ATP8B4: variants seen among roughly 807,000 people sequenced by gnomAD.
ATP8B4 encodes probable phospholipid-transporting ATPase IM.
ATP8B4 carries 133 observed loss-of-function variants against 145.6 expected under a neutral mutation model. The ratio of observed to expected loss-of-function variants is 0.91; its 90% CI spans 0.79 to 1.05. The LOEUF (loss-of-function observed/expected upper bound fraction) is 1.05, where lower values mean the gene tolerates loss of function less well. ATP8B4 is among the 50% of genes least tolerant of loss of function. ATP8B4 has a pLI of 0.00. For synonymous variants in ATP8B4, 507 were observed against 492.9 expected, an observed-to-expected ratio of 1.03 and a Z score of -0.38; for missense variants, 1,458 against 1,425.2, an observed-to-expected ratio of 1.02 and a Z score of -0.37.
At chr15:49,981,337 T>C in intron 10 of ATP8B4, 43 bp from the exon 11 acceptor site, 1 of 1,382,940 alleles carries the variant, frequency 7.2e-7, no homozygotes, top group South Asian at 1.2e-5. Context: ...AATGATATGA[T>C]TATGTATTCT....
intron 7 of ATP8B4, among the ~76,000 whole-genome samples, chr15:50,009,051 C>G (rs1043697654): frequency 3.3e-5 from 5 of 152,108 alleles, no homozygotes; most frequent in African/African-American, 1.2e-4. Context: ...GAATTCCACA[C>G]GTCCCTTTTT....
rs959263202 is a variant in ATP8B4, at chr15:49,859,534, A to G, written c.*660T>C. The G allele has an allele frequency of 1.3e-5, 2 of 152,216 alleles. No homozygotes were observed. The highest frequency in any genetic ancestry group is 4.8e-5 in the African/African-American group (2 of 41,458). The allele number at this position is 152,216 out of a possible 1,614,324, so 9.4% of individuals were successfully genotyped here. On this transcript the variant is annotated 3_prime_UTR_variant, in exon 28 of 28. Transcript: ENST00000284509. ...GAGAGCTTTTTGAATAAATTTGATCAAATTACCAGCCTATCCTGCTGCAAA... is the reference window on the plus strand; with the variant it reads ...GAGAGCTTTTTGAATAAATTTGATCGAATTACCAGCCTATCCTGCTGCAAA...
At chr15:49,913,116 G>A (rs1190220892) in intron 20 of ATP8B4, among the ~76,000 whole-genome samples, 1 of 142,496 alleles carries the variant, frequency 7.0e-6, no homozygotes, top group Non-Finnish European at 1.5e-5. Context: ...AGGTGACAGA[G>A]CACCTGGCTT....
At chr15:50,120,669 A>C (rs951175242), upstream of ATP8B4, among the ~76,000 whole-genome samples, 1 of 152,206 alleles carries the variant, frequency 6.6e-6, no homozygotes, top group African/African-American at 2.4e-5. Flanking sequence ...GTGCAAACAT[A>C]TCTCTAAATA....
intron 14 of ATP8B4, among the ~76,000 whole-genome samples, chr15:49,957,233 T>C (rs1231859683): frequency 6.6e-6 from 1 of 152,108 alleles, no homozygotes; most frequent in Non-Finnish European, 1.5e-5. Flanking sequence ...CTCATCATTG[T>C]TCATATTAGG....
chr15:49,926,587 A>G (rs1024021541), intron 16 of ATP8B4, among the ~76,000 whole-genome samples: 6 of 152,104 alleles, frequency 3.9e-5, no homozygotes, highest in Admixed American at 3.3e-4. Context: ...GCTTATTAAC[A>G]GCTGCACTAT....
intron 26 of ATP8B4, among the ~76,000 whole-genome samples, chr15:49,864,551 T>A (rs944529562): frequency 1.3e-5 from 2 of 152,198 alleles, no homozygotes; most frequent in Non-Finnish European, 2.9e-5. Context: ...CCCTCTTTTA[T>A]AAAGCTCAGT....
At chr15:49,993,327 AAAG>A (rs1055530077) in intron 9 of ATP8B4, among the ~76,000 whole-genome samples, 2 of 152,010 alleles carry the variant, frequency 1.3e-5, no homozygotes, top group African/African-American at 2.4e-5. Flanking sequence ...GAAAGAAAGG[AAAG>A]AAGAATGGTG....
intron 23 of ATP8B4, among the ~76,000 whole-genome samples, chr15:49,894,055 C>T (rs374834414): frequency 2.0e-5 from 3 of 152,320 alleles, no homozygotes; most frequent in East Asian, 1.9e-4. Context: ...GTCCTCTCCT[C>T]TCCAACAGGT....
intron 6 of ATP8B4, among the ~76,000 whole-genome samples, chr15:50,029,091 G>C (rs1006508751): frequency 8.6e-5 from 13 of 151,974 alleles, no homozygotes; most frequent in Admixed American, 7.2e-4. Flanking sequence ...AAATTAGCCA[G>C]GCTTGGTGGC....
chr15:50,041,190 C>T (rs1193007015), intron 5 of ATP8B4, among the ~76,000 whole-genome samples: 1 of 152,102 alleles, frequency 6.6e-6, no homozygotes, highest in African/African-American at 2.4e-5. Context: ...GTACCATTTC[C>T]CTGAAAAATC....
intron 9 of ATP8B4, among the ~76,000 whole-genome samples, chr15:49,993,370 A>G (rs1333102584): frequency 1.5e-5 from 2 of 130,324 alleles, no homozygotes; most frequent in African/African-American, 6.3e-5. Context: ...CCATGTGCTG[A>G]TAGTAGTGTG....
intron 7 of ATP8B4, among the ~76,000 whole-genome samples, chr15:50,008,677 T>C (rs1410927680): frequency 6.6e-6 from 1 of 152,188 alleles, no homozygotes; most frequent in Non-Finnish European, 1.5e-5. Context: ...AGATGGCCAA[T>C]TGGAGCCTAG....
intron 3 of ATP8B4, among the ~76,000 whole-genome samples, chr15:50,052,919 A>C (rs1161039597): frequency 1.3e-5 from 2 of 152,224 alleles, no homozygotes; most frequent in Non-Finnish European, 2.9e-5. Context: ...TTACTGAAAC[A>C]TCTTAAGCAA....
chr15:50,043,879 G>A (rs927954484), intron 5 of ATP8B4, among the ~76,000 whole-genome samples: 8 of 151,296 alleles, frequency 5.3e-5, no homozygotes, highest in Non-Finnish European at 1.0e-4. Context: ...CGTGAACCCG[G>A]GAAGCGGAGC....
chr15:50,029,578 T>C (rs974778156), intron 6 of ATP8B4, among the ~76,000 whole-genome samples: 1 of 152,204 alleles, frequency 6.6e-6, no homozygotes, highest in Non-Finnish European at 1.5e-5. Context: ...TTATGTCTGC[T>C]AAGAGCCTTT....
At chr15:50,049,130 C>G (rs2051969156) in intron 3 of ATP8B4, among the ~76,000 whole-genome samples, 1 of 152,174 alleles carries the variant, frequency 6.6e-6, no homozygotes. Context: ...CCCATTTTTC[C>G]TACAATAAGC....
At chr15:49,888,487 TATC>T (rs1479942114) in intron 23 of ATP8B4, among the ~76,000 whole-genome samples, 1 of 152,148 alleles carries the variant, frequency 6.6e-6, no homozygotes, top group Admixed American at 6.5e-5. Flanking sequence ...CATCAGATAA[TATC>T]ATCTCACAAG....
At chr15:50,126,926 G>A (rs2057311661) in intron 1 of ATP8B4, among the ~76,000 whole-genome samples, 1 of 152,114 alleles carries the variant, frequency 6.6e-6, no homozygotes, top group African/African-American at 2.4e-5. Context: ...GGGGAAGGGG[G>A]AACTGGAGAC....
Sources: allele counts gnomAD v4.1 joint callset (sites outside exome capture counted in the v4.1 genomes callset), GRCh38; gene constraint gnomAD v4.1.1; transcripts MANE v1.5; gene names NCBI Gene and HGNC (gene_info 2026-07-23, HGNC 2026-07-21).